The following BACH2 variants were observed in gnomAD, a reference collection of about 807,000 sequenced individuals.
BACH2 encodes transcription regulator protein BACH2.
Under a neutral mutation model 61.8 loss-of-function variants are expected in BACH2, and 5 were observed. The ratio of observed to expected loss-of-function variants is 0.08; its 90% CI spans 0.04 to 0.17. BACH2 has a LOEUF of 0.17. Among genes scored for constraint, BACH2 ranks in the 10% least tolerant of loss-of-function variants. The pLI is 1.00. For synonymous variants in BACH2, 446 were observed against 440.1 expected (o/e 1.01, Z -0.17); for missense variants, 824 against 1,091.1 (o/e 0.76, Z 3.45).
chr6:90,143,374 C>T (rs1784524767), intron 4 of BACH2, among the ~76,000 whole-genome samples: 1 of 152,148 alleles, frequency 6.6e-6, no homozygotes, highest in African/African-American at 2.4e-5. Flanking sequence ...TTCACCTCTG[C>T]CCATTATCGG....
chr6:89,927,029 A>G lies in BACH2; in HGVS notation c.*5379T>C, dbSNP rs1233107018. 1 of 152,820 alleles carries G rather than the reference A, an allele frequency of 6.5e-6. No individual in the cohort carries two copies. Among genetic ancestry groups the G allele is most frequent in the African/African-American group, 2.4e-5 (1 of 41,468 alleles). The allele number at this position is 152,820 out of a possible 1,614,324, so 9.5% of individuals were successfully genotyped here. ...AGAGGGGCTGCAGCCCCTTGCATACACTGAGAAGACCCTGTTTTGAATATG... is the reference window on the plus strand; with the variant it reads ...AGAGGGGCTGCAGCCCCTTGCATACGCTGAGAAGACCCTGTTTTGAATATG... On this transcript the variant is annotated 3_prime_UTR_variant, in exon 9 of 9. Transcript: ENST00000257749.
chr6:89,990,947 A>G (rs1203631619), intron 6 of BACH2, among the ~76,000 whole-genome samples: 3 of 152,250 alleles, frequency 2.0e-5, no homozygotes, highest in Non-Finnish European at 4.4e-5. Context: ...CTGGTCATTC[A>G]GGTCTCAACA....
intron 5 of BACH2, among the ~76,000 whole-genome samples, chr6:90,049,862 C>T (rs1238318572): frequency 6.6e-6 from 1 of 152,176 alleles, no homozygotes; most frequent in African/African-American, 2.4e-5. Context: ...TGGGATTCAG[C>T]GGCAAGCTGC....
At chr6:89,969,495 G>A (rs1197345912) in intron 6 of BACH2, among the ~76,000 whole-genome samples, 3 of 152,180 alleles carry the variant, frequency 2.0e-5, no homozygotes, top group South Asian at 2.1e-4. Flanking sequence ...ACGGATGTGG[G>A]CTGCCACCAC....
intron 6 of BACH2, among the ~76,000 whole-genome samples, chr6:89,964,077 G>A (rs752884682): frequency 6.6e-5 from 10 of 152,140 alleles, no homozygotes; most frequent in South Asian, 2.1e-4. Context: ...GAGTGGGGAG[G>A]GATAGCATCG....
At chr6:90,283,080 A>G (rs1244536542) in intron 1 of BACH2, among the ~76,000 whole-genome samples, 1 of 152,232 alleles carries the variant, frequency 6.6e-6, no homozygotes, top group Non-Finnish European at 1.5e-5. Context: ...CTATGATTTT[A>G]ATCTGCATGT....
chr6:90,193,565 CT>C (rs1768652051), intron 4 of BACH2, among the ~76,000 whole-genome samples: 1 of 152,192 alleles, frequency 6.6e-6, no homozygotes, highest in African/African-American at 2.4e-5. Flanking sequence ...CTGTGGTACT[CT>C]GTTACAGCAG....
intron 4 of BACH2, among the ~76,000 whole-genome samples, chr6:90,121,118 T>C (rs1442898437): frequency 6.6e-6 from 1 of 152,172 alleles, no homozygotes; most frequent in African/African-American, 2.4e-5. Context: ...ATGGAAATCA[T>C]GCAATAATGT....
intron 5 of BACH2, among the ~76,000 whole-genome samples, chr6:90,060,691 T>C (rs1336083103): frequency 6.6e-6 from 1 of 152,166 alleles, no homozygotes; most frequent in Admixed American, 6.5e-5. Context: ...TTTGTTTCCT[T>C]GTTTGATAAT....
intron 4 of BACH2, among the ~76,000 whole-genome samples, chr6:90,182,180 T>C (rs1455810324): frequency 6.6e-6 from 1 of 152,230 alleles, no homozygotes; most frequent in Non-Finnish European, 1.5e-5. Flanking sequence ...TCACCACTGC[T>C]AAGTAACTCT....
At chr6:89,978,243 C>T (rs1017304675) in intron 6 of BACH2, among the ~76,000 whole-genome samples, 3 of 152,074 alleles carry the variant, frequency 2.0e-5, no homozygotes, top group Non-Finnish European at 4.4e-5. Context: ...AATACAGGCT[C>T]CTGGGTTTTA....
intron 5 of BACH2, among the ~76,000 whole-genome samples, chr6:90,086,194 TG>T (rs1433841139): frequency 2.0e-5 from 3 of 152,216 alleles, no homozygotes; most frequent in African/African-American, 7.2e-5. Context: ...TTCCATTGTA[TG>T]TATTAATATA....
chr6:89,998,403 A>G lies in BACH2; in HGVS notation c.243+10199T>C, dbSNP rs141133229. On this transcript the variant is annotated intron_variant, in intron 6 of 8. Coordinates refer to ENST00000257749, the MANE Select transcript of BACH2 (RefSeq NM_021813.4). ...CTGGCTTGGAGGTGATGCCAATGTC[A>G]GTTACAGAGACTGTCAACATATTTT... Among the ~76,000 whole-genome samples the G allele has an allele frequency of 7.9e-5, 12 of 152,328 alleles. No individual in the cohort carries two copies. In the East Asian group the frequency reaches 2.3e-3, roughly 29 times the overall value.
chr6:90,014,440 G>GTGTA (rs1330299169), intron 5 of BACH2, among the ~76,000 whole-genome samples: 115 of 48,026 alleles, frequency 2.4e-3, no homozygotes, highest in Non-Finnish European at 2.8e-3. Flanking sequence ...GTGTGTGTGT[G>GTGTA]TATATATATA....
At chr6:90,198,502 AG>A (rs1355750887) in intron 4 of BACH2, among the ~76,000 whole-genome samples, 1 of 152,228 alleles carries the variant, frequency 6.6e-6, no homozygotes, top group Non-Finnish European at 1.5e-5. Flanking sequence ...TGGGGCCTAT[AG>A]GGTCTTAACA....
chr6:90,260,609 T>A (rs1418017518), intron 2 of BACH2, among the ~76,000 whole-genome samples: 3 of 152,210 alleles, frequency 2.0e-5, no homozygotes, highest in Non-Finnish European at 4.4e-5. Context: ...TAATTTTCTG[T>A]CTGAATGATG....
At chr6:90,172,006 T>C (rs772668499) in intron 4 of BACH2, among the ~76,000 whole-genome samples, 1 of 151,964 alleles carries the variant, frequency 6.6e-6, no homozygotes, top group Non-Finnish European at 1.5e-5. Flanking sequence ...AAATATAATC[T>C]TACGTTTAAG....
intron 4 of BACH2, among the ~76,000 whole-genome samples, chr6:90,151,360 C>T (rs1465425560): frequency 1.3e-5 from 2 of 152,146 alleles, no homozygotes; most frequent in Non-Finnish European, 2.9e-5. Context: ...TCACACCTTA[C>T]TGTAGCCTCG....
intron 4 of BACH2, among the ~76,000 whole-genome samples, chr6:90,200,608 A>T (rs960777253): frequency 6.6e-6 from 1 of 152,182 alleles, no homozygotes; most frequent in African/African-American, 2.4e-5. Flanking sequence ...CTAAAATAGT[A>T]CTTATTTTTT....
Sources: allele counts gnomAD v4.1 joint callset (sites outside exome capture counted in the v4.1 genomes callset), GRCh38; gene constraint gnomAD v4.1.1; transcripts MANE v1.5; gene names NCBI Gene and HGNC (gene_info 2026-07-23, HGNC 2026-07-21).